The following CRY1 variants were observed in gnomAD, a reference collection of about 807,000 sequenced individuals.
CRY1 encodes the protein cryptochrome-1.
In CRY1, 45 loss-of-function variants were observed where a neutral mutation model predicts 76.0. That is an observed-to-expected ratio of 0.59 (90% CI 0.47 to 0.76). CRY1 has a LOEUF of 0.76. CRY1 is among the 30% of genes least tolerant of loss of function. The probability of loss-of-function intolerance (pLI) is 0.00; values close to 1 mark genes in which losing one functional copy is unlikely to be tolerated. For missense variants in CRY1, 587 were observed against 716.4 expected (o/e 0.82, Z 2.06); for synonymous variants, 248 against 244.0 (o/e 1.02, Z -0.15).
chr12:107,044,289 G>A (rs190065975), intron 1 of CRY1, among the ~76,000 whole-genome samples: 46 of 152,266 alleles, frequency 3.0e-4, no homozygotes, highest in Non-Finnish European at 3.4e-4. Flanking sequence ...TGGGGAAAAT[G>A]AGAATAGAAG....
intron 1 of CRY1, among the ~76,000 whole-genome samples, chr12:107,025,141 T>A (rs1203649416): frequency 3.0e-4 from 46 of 152,128 alleles, no homozygotes; most frequent in Admixed American, 3.0e-3. Context: ...TAATCATATC[T>A]CCCCGTTAGG....
rs942691255 is a variant in CRY1, at chr12:107,046,196, G to C, written c.159-24004C>G. ...TCATCCCAGCTACTCGGGAGGCTGA[G>C]GCACAAGAATCACTTGAACCCAGGA... is the stretch of plus-strand genomic sequence containing the variant. On this transcript the variant is annotated intron_variant, in intron 1 of 12. Coordinates refer to ENST00000008527, the MANE Select transcript of CRY1 (RefSeq NM_004075.5). Among the ~76,000 whole-genome samples, 5 of 151,924 alleles carry C rather than the reference G, an allele frequency of 3.3e-5. No individual in the cohort carries two copies. The East Asian group carries it at 5.8e-4, about 18-fold the overall frequency.
At chr12:107,057,794 C>G (rs1437069642) in intron 1 of CRY1, among the ~76,000 whole-genome samples, 1 of 151,818 alleles carries the variant, frequency 6.6e-6, no homozygotes, top group African/African-American at 2.4e-5. Context: ...ACTGGTGGCT[C>G]ACACCTGTAA....
intron 1 of CRY1, among the ~76,000 whole-genome samples, chr12:107,035,219 G>C (rs1193181558): frequency 6.6e-6 from 1 of 152,138 alleles, no homozygotes; most frequent in African/African-American, 2.4e-5. Context: ...CTTAGCACAT[G>C]TAACTATTCA....
At chr12:107,001,614 C>G (rs1313638542) in intron 4 of CRY1, 150 bp downstream of exon 4, 2 of 695,964 alleles carry the variant, frequency 2.9e-6, no homozygotes, top group African/African-American at 3.7e-5. Context: ...AAACATATCA[C>G]TTCTTAAAGG....
chr12:107,080,650 A>T (rs1437350059), intron 1 of CRY1, among the ~76,000 whole-genome samples: 2 of 145,914 alleles, frequency 1.4e-5, no homozygotes, highest in African/African-American at 5.5e-5. Context: ...AAACATTGTT[A>T]AAAAAAAATA....
chr12:106,998,931 A>G (rs546355700), intron 7 of CRY1, among the ~76,000 whole-genome samples: 50 of 151,380 alleles, frequency 3.3e-4, no homozygotes, highest in South Asian at 4.2e-4. Flanking sequence ...AATCCCAGCT[A>G]CTCGGGAGGT....
At chr12:107,076,022 G>A (rs891565319) in intron 1 of CRY1, among the ~76,000 whole-genome samples, 21 of 151,988 alleles carry the variant, frequency 1.4e-4, no homozygotes, top group African/African-American at 4.6e-4. Context: ...AGCTTAAGAT[G>A]CTTATTTTGA....
intron 1 of CRY1, among the ~76,000 whole-genome samples, chr12:107,054,093 A>C (rs965495200): frequency 6.6e-6 from 1 of 152,228 alleles, no homozygotes; most frequent in Non-Finnish European, 1.5e-5. Context: ...AAGAATAAAG[A>C]ACATTGTAAA....
At chr12:107,092,601 C>T (rs566788506) in intron 1 of CRY1, among the ~76,000 whole-genome samples, 1 of 152,314 alleles carries the variant, frequency 6.6e-6, no homozygotes, top group South Asian at 2.1e-4. Context: ...CTGATGAAGA[C>T]CGAGTGTTTC....
intron 1 of CRY1, among the ~76,000 whole-genome samples, chr12:107,057,657 G>A (rs1215717123): frequency 6.6e-6 from 1 of 152,050 alleles, no homozygotes; most frequent in Non-Finnish European, 1.5e-5. Flanking sequence ...CCTGAGTCCA[G>A]GAGCTGGGGG....
chr12:107,045,248 T>A (rs116016593), intron 1 of CRY1, among the ~76,000 whole-genome samples: 4,826 of 149,328 alleles, frequency 0.032, 111 homozygotes, highest in African/African-American at 0.071. Flanking sequence ...AAAAAAAAAA[T>A]GCCACCAAAA....
At chr12:107,042,494 C>T (rs1434452319) in intron 1 of CRY1, among the ~76,000 whole-genome samples, 3 of 152,098 alleles carry the variant, frequency 2.0e-5, no homozygotes, top group Non-Finnish European at 4.4e-5. Context: ...ACTTCTGTGG[C>T]ATTTTTCCCC....
intron 2 of CRY1, among the ~76,000 whole-genome samples, chr12:107,007,215 T>C (rs952355445): frequency 3.3e-5 from 5 of 152,122 alleles, no homozygotes; most frequent in Non-Finnish European, 5.9e-5. Context: ...TATAGTGAGG[T>C]AGTATAGAAT....
At chr12:107,053,975 C>T (rs1952953327) in intron 1 of CRY1, among the ~76,000 whole-genome samples, 1 of 152,140 alleles carries the variant, frequency 6.6e-6, no homozygotes, top group Admixed American at 6.5e-5. Context: ...TATCTTCAAA[C>T]AAACCTAAGA....
At chr12:106,998,566 T>C (rs1324243215) in intron 7 of CRY1, among the ~76,000 whole-genome samples, 3 of 151,762 alleles carry the variant, frequency 2.0e-5, no homozygotes, top group African/African-American at 7.3e-5. Flanking sequence ...AGAAAGAAAA[T>C]AGAATTAAAA....
chr12:107,019,957 A>T (rs1282304759), intron 2 of CRY1, among the ~76,000 whole-genome samples: 1 of 152,110 alleles, frequency 6.6e-6, no homozygotes, highest in Non-Finnish European at 1.5e-5. Context: ...TCCACTTAGG[A>T]TTCATTTTAT....
At chr12:107,009,024 C>T (rs1952406891) in intron 2 of CRY1, among the ~76,000 whole-genome samples, 1 of 152,170 alleles carries the variant, frequency 6.6e-6, no homozygotes, top group African/African-American at 2.4e-5. Context: ...AGTGTGAGAA[C>T]AAACTAATAT....
intron 1 of CRY1, among the ~76,000 whole-genome samples, chr12:107,039,395 G>T (rs573081885): frequency 6.6e-6 from 1 of 152,298 alleles, no homozygotes; most frequent in South Asian, 2.1e-4. Flanking sequence ...CTCACCTATA[G>T]AATGGAAGAA....
Sources: gnomAD v4.1 joint callset for allele counts (sites outside exome capture counted in the v4.1 genomes callset) on GRCh38, gnomAD v4.1.1 for gene constraint, MANE v1.5 for transcripts, NCBI Gene and HGNC (gene_info 2026-07-23, HGNC 2026-07-21) for gene names.